The following LAMA2 variants were observed in gnomAD, a reference collection of about 807,000 sequenced individuals.
LAMA2 encodes laminin subunit alpha 2, also known as laminin subunit alpha-2.
Under a neutral mutation model 364.8 loss-of-function variants are expected in LAMA2, and 269 were observed. That is an observed-to-expected ratio of 0.74 (90% confidence interval 0.67 to 0.82). LAMA2 has a LOEUF of 0.82. Ranked by LOEUF, LAMA2 falls within the 40% of genes least tolerant of loss-of-function variation. The pLI, the probability that LAMA2 is intolerant of heterozygous loss-of-function variation, is 0.00. For missense variants in LAMA2, 3,807 were observed against 3,873.2 expected, an observed-to-expected ratio of 0.98 and a Z score of 0.45; for synonymous variants, 1,379 against 1,370.6, an observed-to-expected ratio of 1.01 and a Z score of -0.14.
At chr6:129,258,237 G>C (rs1644874964) in intron 14 of LAMA2, among the ~76,000 whole-genome samples, 2 of 152,130 alleles carry the variant, frequency 1.3e-5, no homozygotes, top group African/African-American at 2.4e-5. Context: ...ATCAGGCCCA[G>C]AAATTCTGTT....
chr6:129,066,513 A>C (rs1356536781), intron 3 of LAMA2, among the ~76,000 whole-genome samples: 1 of 152,194 alleles, frequency 6.6e-6, no homozygotes, highest in Non-Finnish European at 1.5e-5. Flanking sequence ...ATACTACTCA[A>C]TGTGATCCAC....
intron 2 of LAMA2, among the ~76,000 whole-genome samples, chr6:129,055,287 G>A (rs1168470854): frequency 6.6e-6 from 1 of 151,562 alleles, no homozygotes; most frequent in Non-Finnish European, 1.5e-5. Flanking sequence ...CGCCTCCCAG[G>A]TTCAAGCGAT....
intron 1 of LAMA2, among the ~76,000 whole-genome samples, chr6:128,944,498 A>G (rs934740539): frequency 1.3e-5 from 2 of 152,176 alleles, no homozygotes; most frequent in Non-Finnish European, 2.9e-5. Flanking sequence ...TAATTTCTAA[A>G]GAAAAGATGA....
chr6:128,996,584 T>TGG (rs1180351062), intron 1 of LAMA2, among the ~76,000 whole-genome samples: 41 of 152,174 alleles, frequency 2.7e-4, no homozygotes, highest in Non-Finnish European at 5.4e-4. Context: ...AGATACCAAC[T>TGG]CATGCCAGTT....
At chr6:128,960,652 G>A (rs1582774271) in intron 1 of LAMA2, among the ~76,000 whole-genome samples, 1 of 152,054 alleles carries the variant, frequency 6.6e-6, no homozygotes, top group Non-Finnish European at 1.5e-5. Context: ...GAGCCACCAC[G>A]CCCAGCCGAT....
At chr6:129,240,381 C>T (rs191077602) in intron 12 of LAMA2, among the ~76,000 whole-genome samples, 11 of 152,330 alleles carry the variant, frequency 7.2e-5, no homozygotes, top group African/African-American at 2.6e-4. Context: ...CCACATTCTC[C>T]AACGCTTTCT....
At chr6:129,496,372 G>A (rs1201679543) in intron 58 of LAMA2, among the ~76,000 whole-genome samples, 2 of 152,066 alleles carry the variant, frequency 1.3e-5, no homozygotes, top group Non-Finnish European at 2.9e-5. Context: ...CTCCATGTTG[G>A]TCAGGCTGGT....
intron 6 of LAMA2, among the ~76,000 whole-genome samples, chr6:129,147,694 T>C (rs1778551910): frequency 6.6e-6 from 1 of 152,106 alleles, no homozygotes; most frequent in South Asian, 2.1e-4. Context: ...TCATCTCCTG[T>C]ATAGTATATG....
intron 1 of LAMA2, among the ~76,000 whole-genome samples, chr6:129,039,703 G>A (rs752518606): frequency 2.0e-5 from 3 of 152,186 alleles, no homozygotes; most frequent in Non-Finnish European, 4.4e-5. Flanking sequence ...GGATGAAACT[G>A]TTCCACCTCA....
At chr6:129,015,485 A>T (rs927949957) in intron 1 of LAMA2, among the ~76,000 whole-genome samples, 1 of 152,254 alleles carries the variant, frequency 6.6e-6, no homozygotes, top group Non-Finnish European at 1.5e-5. Flanking sequence ...GCATTTCACC[A>T]TGAAAAACAT....
intron 34 of LAMA2, among the ~76,000 whole-genome samples, chr6:129,373,945 C>T (rs939074988): frequency 4.6e-5 from 7 of 152,106 alleles, no homozygotes; most frequent in Non-Finnish European, 8.8e-5. Context: ...CCTTTTCATA[C>T]TCTAATACTA....
In LAMA2 at chr6:129,514,556, G is replaced by A. The variant is rs1317660866; in HGVS notation, c.9172G>A (p.Ala3058Thr). ...AAGCCCAAACCCAGCATCTACATCA[G>A]CTGACACAAATGACCCTGTGTTTGT... Reference protein sequence around the residue: ...AQSPNPASTSADTNDPVFVGG... With the variant: ...AQSPNPASTSTDTNDPVFVGG... The change falls in exon 64 of 65, where the codon GCT becomes ACT. Residue 3058 changes from alanine to threonine, a missense_variant. By Grantham distance (58) the Ala-to-Thr change is moderately conservative. Coordinates refer to ENST00000421865, the MANE Select transcript of LAMA2 (RefSeq NM_000426.4). 8.7e-6 allele frequency: 14 copies of A among 1,614,000 alleles called. No individual in the cohort carries two copies. Among genetic ancestry groups the A allele is most frequent in the Non-Finnish European group, 1.2e-5 (14 of 1,180,028 alleles).
intron 47 of LAMA2, 123 bp downstream of exon 47, chr6:129,454,411 G>A (rs1402350368): frequency 4.0e-6 from 3 of 743,036 alleles, no homozygotes; most frequent in African/African-American, 1.8e-5. Context: ...AAACACATGT[G>A]TATGAATTTT....
intron 17 of LAMA2, among the ~76,000 whole-genome samples, chr6:129,274,644 A>T (rs777246507): frequency 8.5e-5 from 13 of 152,152 alleles, no homozygotes; most frequent in South Asian, 6.2e-4. Flanking sequence ...ACAGAGAAGC[A>T]TATAATATTT....
intron 17 of LAMA2, among the ~76,000 whole-genome samples, chr6:129,276,538 CAGGACCCACAGA>C (rs1365449687): frequency 6.6e-6 from 1 of 152,068 alleles, no homozygotes; most frequent in Non-Finnish European, 1.5e-5. Flanking sequence ...AACTGAATTT[CAGGACCCACAGA>C]AGGACCCACA....
intron 3 of LAMA2, among the ~76,000 whole-genome samples, chr6:129,079,990 AT>A (rs1451071328): frequency 6.6e-6 from 1 of 152,132 alleles, no homozygotes; most frequent in Non-Finnish European, 1.5e-5. Context: ...CTCTTTTATT[AT>A]TTGTATAAAT....
At chr6:129,095,193 C>T (rs1775096544) in intron 3 of LAMA2, among the ~76,000 whole-genome samples, 1 of 152,128 alleles carries the variant, frequency 6.6e-6, no homozygotes, top group Non-Finnish European at 1.5e-5. Flanking sequence ...GCTTACTGTC[C>T]TAACCTTATC....
Position 129,445,693 on chromosome 6 carries a change from A to G in LAMA2, c.6301A>G (p.Asn2101Asp). Residue 2101 changes from asparagine (N) to aspartate (D), a missense_variant, in exon 45 of 65, where the codon AAT becomes GAT. Physicochemically the swap from Asn to Asp is conservative, Grantham distance 23. Transcript: ENST00000421865. Reference sequence around the variant, plus strand: ...TGCCGATGCAGATGCCACTGTCAAAAATTTAGAACAGGAAGCTGACCGGCT... The same window carrying G: ...TGCCGATGCAGATGCCACTGTCAAAGATTTAGAACAGGAAGCTGACCGGCT... The part of the protein sequence containing the change: ...IIADADATVK[N>D]LEQEADRLID... The G allele has an allele frequency of 1.2e-5, 19 of 1,614,018 alleles. No individual in the cohort carries two copies. The highest frequency in any genetic ancestry group is 1.6e-5 in the Non-Finnish European group (19 of 1,179,930).
chr6:129,146,596 A>C (rs1054017582), intron 5 of LAMA2, among the ~76,000 whole-genome samples: 2 of 152,052 alleles, frequency 1.3e-5, no homozygotes, highest in African/African-American at 4.8e-5. Context: ...AATCACAATA[A>C]AAGAGGGTTT....
Sources: gnomAD v4.1 joint callset for allele counts (sites outside exome capture counted in the v4.1 genomes callset) on GRCh38, gnomAD v4.1.1 for gene constraint, MANE v1.5 for transcripts, NCBI Gene and HGNC (gene_info 2026-07-23, HGNC 2026-07-21) for gene names.